Variants in SRGAP1 observed in about 807,000 individuals in gnomAD.
SRGAP1 encodes the protein SLIT-ROBO Rho GTPase activating protein 1, also known as SLIT-ROBO Rho GTPase-activating protein 1.
In SRGAP1, 43 loss-of-function variants were observed where a neutral mutation model predicts 121.9. The observed-to-expected ratio is 0.35, with a 90% CI of 0.28 to 0.46. The LOEUF is 0.46. SRGAP1 is among the 20% of genes least tolerant of loss of function. The probability of loss-of-function intolerance (pLI) is 1.00; values close to 1 mark genes in which losing one functional copy is unlikely to be tolerated. For missense variants in SRGAP1, 1,102 were observed against 1,350.9 expected (o/e 0.82, Z 2.89); for synonymous variants, 447 against 485.4 (o/e 0.92, Z 1.04).
chr12:64,113,797 A>C (rs1383788615), intron 17 of SRGAP1, among the ~76,000 whole-genome samples: 2 of 152,206 alleles, frequency 1.3e-5, no homozygotes, highest in Non-Finnish European at 2.9e-5. Flanking sequence ...GTAGTAAATC[A>C]AAGTTAGGTG....
intron 1 of SRGAP1, chr12:63,888,719 A>G (rs1352010501): frequency 6.6e-6 from 1 of 152,254 alleles, no homozygotes; most frequent in Non-Finnish European, 1.5e-5. Context: ...ATCCCAGCAC[A>G]TAGTACCACC....
chr12:64,076,766 C>G (rs2136558839), intron 8 of SRGAP1, among the ~76,000 whole-genome samples: 1 of 152,194 alleles, frequency 6.6e-6, no homozygotes, highest in Non-Finnish European at 1.5e-5. Context: ...TCTGACTCAG[C>G]TTCCCGAGTA....
chr12:64,007,556 G>A (rs930882362), intron 3 of SRGAP1, among the ~76,000 whole-genome samples: 1 of 152,072 alleles, frequency 6.6e-6, no homozygotes, highest in African/African-American at 2.4e-5. Flanking sequence ...CAAGGGTTGG[G>A]GACCCCTGAT....
intron 4 of SRGAP1, among the ~76,000 whole-genome samples, chr12:64,033,181 C>T (rs1028441689): frequency 4.6e-5 from 7 of 152,022 alleles, no homozygotes; most frequent in Admixed American, 2.0e-4. Flanking sequence ...CCCTGCATCT[C>T]GTTTGCCCTG....
At chr12:63,956,840 C>G (rs930784662) in intron 1 of SRGAP1, among the ~76,000 whole-genome samples, 1 of 149,386 alleles carries the variant, frequency 6.7e-6, no homozygotes, top group Non-Finnish European at 1.5e-5. Flanking sequence ...TCATCACAAT[C>G]AATTTTAGAA....
intron 8 of SRGAP1, among the ~76,000 whole-genome samples, chr12:64,075,315 A>G (rs1313886350): frequency 6.6e-6 from 1 of 152,258 alleles, no homozygotes; most frequent in African/African-American, 2.4e-5. Flanking sequence ...CAGATCGCTC[A>G]TGCTATTGTT....
intron 21 of SRGAP1, among the ~76,000 whole-genome samples, chr12:64,137,246 G>A (rs533730628): frequency 3.3e-5 from 5 of 149,306 alleles, no homozygotes; most frequent in Admixed American, 2.6e-4. Flanking sequence ...TCCAGCCTAG[G>A]TGACACAGTG....
intron 18 of SRGAP1, among the ~76,000 whole-genome samples, chr12:64,118,257 C>CTTTTTG (rs747114702): frequency 6.6e-6 from 1 of 152,020 alleles, no homozygotes; most frequent in Admixed American, 6.6e-5. Context: ...CAACGCTTAT[C>CTTTTTG]TTTTTGTTTT....
intron 1 of SRGAP1, among the ~76,000 whole-genome samples, chr12:63,884,032 C>T (rs1023465489): frequency 3.1e-5 from 1 of 32,580 alleles, no homozygotes; most frequent in African/African-American, 1.3e-4. Context: ...GCCTGTAATC[C>T]CAGCACTTCG....
intron 1 of SRGAP1, among the ~76,000 whole-genome samples, chr12:63,889,143 T>C (rs1400573203): frequency 1.3e-5 from 2 of 152,194 alleles, no homozygotes; most frequent in Non-Finnish European, 2.9e-5. Context: ...GGACAATATC[T>C]ATCTGCAAGC....
chr12:63,862,274 C>T (rs1899481209), intron 1 of SRGAP1, among the ~76,000 whole-genome samples: 1 of 152,226 alleles, frequency 6.6e-6, no homozygotes, highest in South Asian at 2.1e-4. Context: ...TTCTTTCCTA[C>T]TCCAAGGCTG....
chr12:64,097,460 C>A, intron 15 of SRGAP1, 85 bp downstream of exon 15: 1 of 1,374,330 alleles, frequency 7.3e-7, no homozygotes, highest in Non-Finnish European at 9.9e-7. Context: ...CCCCTCCATA[C>A]ACCCCCACCC....
intron 8 of SRGAP1, among the ~76,000 whole-genome samples, chr12:64,076,153 T>A (rs2035734186): frequency 6.6e-6 from 1 of 152,112 alleles, no homozygotes; most frequent in African/African-American, 2.4e-5. Flanking sequence ...AAATAAACAT[T>A]CTCTTTGGAG....
chr12:63,972,415 T>C (rs1240865892), intron 1 of SRGAP1, among the ~76,000 whole-genome samples: 2 of 152,180 alleles, frequency 1.3e-5, no homozygotes, highest in Non-Finnish European at 2.9e-5. Context: ...AGAAACCTTA[T>C]AGGGTTGGAG....
chr12:64,103,885 A>C (rs892697024), intron 15 of SRGAP1, among the ~76,000 whole-genome samples: 7 of 152,208 alleles, frequency 4.6e-5, no homozygotes, highest in Admixed American at 4.6e-4. Context: ...TTTGATTAAC[A>C]CCTTGACATT....
intron 14 of SRGAP1, among the ~76,000 whole-genome samples, chr12:64,096,433 T>G (rs2036156303): frequency 6.6e-6 from 1 of 152,086 alleles, no homozygotes. Flanking sequence ...AAAAACAGAA[T>G]TTGATTTAAG....
At chr12:63,900,922 T>C (rs1254372838) in intron 1 of SRGAP1, among the ~76,000 whole-genome samples, 1 of 151,994 alleles carries the variant, frequency 6.6e-6, no homozygotes, top group Non-Finnish European at 1.5e-5. Context: ...GAGTGAGCAG[T>C]AGAGGTGATA....
intron 1 of SRGAP1, among the ~76,000 whole-genome samples, chr12:63,939,087 C>G (rs2031768935): frequency 6.6e-6 from 1 of 150,378 alleles, no homozygotes; most frequent in African/African-American, 2.5e-5. Flanking sequence ...TCCAGGAGAT[C>G]AAGGCTGCAG....
intron 1 of SRGAP1, among the ~76,000 whole-genome samples, chr12:63,848,345 A>G (rs1199362963): frequency 6.6e-6 from 1 of 152,058 alleles, no homozygotes; most frequent in Non-Finnish European, 1.5e-5. Flanking sequence ...GGCTGCCTGC[A>G]CAGGTTTTGG....
Sources: allele counts gnomAD v4.1 joint callset (sites outside exome capture counted in the v4.1 genomes callset), GRCh38; gene constraint gnomAD v4.1.1; transcripts MANE v1.5; gene names NCBI Gene and HGNC (gene_info 2026-07-23, HGNC 2026-07-21).